The following SPINT4 variants were observed in gnomAD, a reference collection of about 807,000 sequenced individuals.
The protein encoded by SPINT4 is serine peptidase inhibitor, Kunitz type 4.
SPINT4 carries 7 observed loss-of-function variants against 9.4 expected under a neutral mutation model. The ratio of observed to expected loss-of-function variants is 0.74; its 90% CI spans 0.42 to 1.40. The LOEUF is 1.40. Ranked by LOEUF, SPINT4 falls within the 40% of genes most tolerant of loss-of-function variation. The pLI is 0.01. For missense variants in SPINT4, 105 were observed against 114.4 expected (o/e 0.92, Z 0.37); for synonymous variants, 36 against 39.9 (o/e 0.90, Z 0.37).
chr20:45,725,795 C>T lies in SPINT4; in HGVS notation c.*160C>T, dbSNP rs1363837697. Reference sequence around the variant, plus strand: ...TAGTTTTGTCTTTCCTGGAAATTAACTGTATGATCATTAGAATGAAAGAGT... The same window carrying T: ...TAGTTTTGTCTTTCCTGGAAATTAATTGTATGATCATTAGAATGAAAGAGT... On this transcript the variant is annotated 3_prime_UTR_variant, in exon 3 of 3. Transcript: ENST00000279058. 3.6e-5 allele frequency: 31 copies of T among 861,514 alleles called. No homozygotes were observed. Among genetic ancestry groups the T allele is most frequent in the Non-Finnish European group, 5.5e-5 (29 of 530,434 alleles). 53.4% of individuals were successfully genotyped at this position (861,514 alleles called of 1,614,324 possible). A position where few individuals can be genotyped will look rare whatever the true frequency, so the allele number is the denominator to read the frequency against.
chr20:45,723,595 C>T (rs746055695), intron 1 of SPINT4, among the ~76,000 whole-genome samples: 3 of 152,014 alleles, frequency 2.0e-5, no homozygotes, highest in East Asian at 1.9e-4. Context: ...GGAAGCTCAT[C>T]GCCCTGCACA....
chr20:45,723,981 G>A lies in SPINT4; in HGVS notation c.217G>A (p.Gly73Ser), dbSNP rs6017667. 637,256 of 1,609,072 alleles carry A rather than the reference G, an allele frequency of 0.4. 134,996 individuals carry two copies. Among genetic ancestry groups the A allele is most frequent in the African/African-American group, 0.68 (50,542 of 74,444 alleles). The change falls in exon 2 of 3, where the codon GGC becomes AGC. Residue 73 changes from glycine (G) to serine (S), a missense_variant. Gly to Ser is a moderately conservative substitution (Grantham distance 56). Transcript: ENST00000279058. ...SKRCETFVFS[G>S]CNGNLNNFKL... Reference sequence around the variant, plus strand: ...AAGATGTGAAACTTTTGTCTTCTCCGGCTGTAATGGCAACCTTAACAACTT... The same window carrying A: ...AAGATGTGAAACTTTTGTCTTCTCCAGCTGTAATGGCAACCTTAACAACTT...
Position 45,724,513 on chromosome 20 carries a change from A to T in SPINT4, c.293+456A>T, listed in dbSNP as rs1443782519. Reference sequence around the variant, plus strand: ...GGGCAATAAGAGCAAAACTCCATCTAAAAAAAAAAAAAAAAAAAAACCACA... The same window carrying T: ...GGGCAATAAGAGCAAAACTCCATCTTAAAAAAAAAAAAAAAAAAAACCACA... On this transcript the variant is annotated intron_variant, in intron 2 of 2. Transcript: ENST00000279058. Among the ~76,000 whole-genome samples, 3 of 33,484 alleles carry T rather than the reference A, an allele frequency of 9.0e-5. No individual in the cohort carries two copies. In the East Asian group the frequency reaches 4.5e-3, roughly 51 times the overall value. The allele number at this position is 33,484 out of a possible 152,430, so 22.0% of individuals were successfully genotyped here.
At chr20:45,722,626 G>T (rs1017166936) in intron 1 of SPINT4, 144 bp downstream of exon 1, 15 of 646,134 alleles carry the variant, frequency 2.3e-5, no homozygotes, top group Non-Finnish European at 3.0e-5. Context: ...CTTGACTCAG[G>T]GCATTACTTA....
At chr20:45,725,530 T>C (rs1367501034) in intron 2 of SPINT4, 99 bp from the exon 3 acceptor site, 2 of 1,279,078 alleles carry the variant, frequency 1.6e-6, no homozygotes, top group African/African-American at 2.9e-5. Flanking sequence ...AGGCATCCTC[T>C]GTGCTTTCCC....
Position 45,724,052 on chromosome 20 carries a change from A to G in SPINT4, c.288A>G (p.Lys96=). 6.2e-7 allele frequency: 1 copy of G among 1,607,118 alleles called. No individual in the cohort carries two copies. The highest frequency in any genetic ancestry group is 8.5e-7 in the Non-Finnish European group (1 of 1,178,058). Residue 96 remains lysine, a synonymous_variant, in exon 2 of 3, where the codon AAA becomes AAG. Coordinates refer to ENST00000279058, the MANE Select transcript of SPINT4 (RefSeq NM_178455.3). ...AAGTAGCCTGTGTTGCAAAATACAAACCACCGTAAGGAATCTAATCCTGTC... is the reference window on the plus strand; with the variant it reads ...AAGTAGCCTGTGTTGCAAAATACAAGCCACCGTAAGGAATCTAATCCTGTC... The part of the protein sequence containing the change: ...EREVACVAKY[K]PPR
intron 2 of SPINT4, among the ~76,000 whole-genome samples, chr20:45,724,402 C>T (rs180689167): frequency 2.0e-5 from 3 of 149,958 alleles, no homozygotes; most frequent in Non-Finnish European, 4.5e-5. Context: ...GCAGGAGAAT[C>T]ACTTGAACCC....
chr20:45,724,412 C>T (rs1286995587), intron 2 of SPINT4, among the ~76,000 whole-genome samples: 2 of 150,120 alleles, frequency 1.3e-5, no homozygotes, highest in South Asian at 2.1e-4. Flanking sequence ...CACTTGAACC[C>T]GGGAGGGTTC....
intron 1 of SPINT4, among the ~76,000 whole-genome samples, chr20:45,723,550 C>G (rs1984853039): frequency 6.6e-6 from 1 of 152,064 alleles, no homozygotes; most frequent in Non-Finnish European, 1.5e-5. Context: ...CAGGAGGATA[C>G]TGTACTTTAA....
Position 45,725,680 on chromosome 20 carries a change from A to C in SPINT4, c.*45A>C. ...GTTGTCTGCTGCACCATCCGAAATA[A>C]AGACACAAGAAAATTCAGACTGATT... is the stretch of plus-strand genomic sequence containing the variant. On this transcript the variant is annotated 3_prime_UTR_variant, in exon 3 of 3. Coordinates refer to ENST00000279058, the MANE Select transcript of SPINT4 (RefSeq NM_178455.3). The C allele has an allele frequency of 1.2e-6, 2 of 1,609,218 alleles. No homozygotes were observed. Among genetic ancestry groups the C allele is most frequent in the Non-Finnish European group, 8.5e-7 (1 of 1,175,598 alleles).
intron 1 of SPINT4, among the ~76,000 whole-genome samples, chr20:45,722,765 T>G (rs934580567): frequency 6.6e-6 from 1 of 152,062 alleles, no homozygotes; most frequent in African/African-American, 2.4e-5. Flanking sequence ...GTGTGACAAA[T>G]TTCAAAGATC....
At position 45,725,700 on chromosome 20, in the gene SPINT4, C is replaced by T. The variant is rs1978369030; in HGVS notation, c.*65C>T. The T allele has an allele frequency of 1.3e-6, 2 of 1,591,376 alleles. No individual in the cohort carries two copies. The highest frequency in any genetic ancestry group is 2.2e-5 in the East Asian group (1 of 44,804). On this transcript the variant is annotated 3_prime_UTR_variant, in exon 3 of 3. Transcript: ENST00000279058. ...AAATAAAGACACAAGAAAATTCAGA[C>T]TGATTTTGAAATCTTTGTAATATTT...
chr20:45,725,031 T>TATATATATAC (rs1984915124), intron 2 of SPINT4, among the ~76,000 whole-genome samples: 1 of 120,852 alleles, frequency 8.3e-6, no homozygotes, highest in African/African-American at 3.2e-5. Context: ...TATATATCAA[T>TATATATATAC]AGATATATAT....
chr20:45,722,971 G>A (rs1020087768), intron 1 of SPINT4, among the ~76,000 whole-genome samples: 6 of 152,070 alleles, frequency 3.9e-5, no homozygotes, highest in African/African-American at 7.2e-5. Flanking sequence ...AAGGCTCAGC[G>A]CTTCCAGGGG....
At chr20:45,723,770 A>G in intron 1 of SPINT4, 110 bp from the exon 2 acceptor site, 2 of 871,748 alleles carry the variant, frequency 2.3e-6, no homozygotes, top group South Asian at 4.0e-5. Flanking sequence ...GTCCTTGAAT[A>G]TGAGAATAGT....
intron 2 of SPINT4, among the ~76,000 whole-genome samples, chr20:45,724,995 A>AAT (rs1156730831): frequency 0.099 from 3,584 of 36,234 alleles, 444 homozygotes; most frequent in Middle Eastern, 0.14. Context: ...AAAAAAAAAA[A>AAT]ATATATATAT....
chr20:45,722,360 G>A lies in SPINT4; in HGVS notation c.-8G>A, dbSNP rs774420145. The A allele has an allele frequency of 6.3e-7, 1 of 1,596,662 alleles. No homozygotes were observed. The highest frequency in any genetic ancestry group is 8.6e-7 in the Non-Finnish European group (1 of 1,163,880). ...ACCACAACTATCCTGCCTGCTGCTT[G>A]CTGCACCATGAAGTCTGCCAAGCTG... is the stretch of plus-strand genomic sequence containing the variant. On this transcript the variant is annotated 5_prime_UTR_variant, in exon 1 of 3. Coordinates refer to ENST00000279058, the MANE Select transcript of SPINT4 (RefSeq NM_178455.3).
At chr20:45,725,305 A>T (rs1351251420) in intron 2 of SPINT4, among the ~76,000 whole-genome samples, 2 of 151,780 alleles carry the variant, frequency 1.3e-5, no homozygotes, top group African/African-American at 4.8e-5. Context: ...ATAGAAGGTC[A>T]ATGGTGCCTA....
At chr20:45,722,568 G>T in intron 1 of SPINT4, 86 bp downstream of exon 1, 1 of 953,096 alleles carries the variant, frequency 1.0e-6, no homozygotes. Context: ...TATCTAGGTA[G>T]TCCAGGAAGG....
Sources: gnomAD v4.1 joint callset for allele counts (sites outside exome capture counted in the v4.1 genomes callset) on GRCh38, gnomAD v4.1.1 for gene constraint, MANE v1.5 for transcripts, NCBI Gene and HGNC (gene_info 2026-07-23, HGNC 2026-07-21) for gene names.